DPEP1: variants seen among roughly 807,000 people sequenced by gnomAD.
The protein encoded by DPEP1 is dipeptidase 1, also known as beta-lactamase.
In DPEP1, 50 loss-of-function variants were observed where a neutral mutation model predicts 42.3. That is an observed-to-expected ratio of 1.18 (90% CI 0.94 to 1.50). DPEP1 has a LOEUF of 1.50. Ranked by LOEUF, DPEP1 falls within the 40% of genes most tolerant of loss-of-function variation. DPEP1 has a pLI of 0.00. For synonymous variants in DPEP1, 297 were observed against 234.0 expected (o/e 1.27, Z -2.46); for missense variants, 663 against 553.0 (o/e 1.20, Z -1.99).
chr16:89,625,252 C>T (rs566507049), intron 1 of DPEP1, among the ~76,000 whole-genome samples: 9 of 152,098 alleles, frequency 5.9e-5, no homozygotes, highest in Non-Finnish European at 1.0e-4. Context: ...TGATTCAGCA[C>T]GAATTGGCCT....
At position 89,635,943 on chromosome 16, in the gene DPEP1, TCAA is replaced by T. The variant is rs2059672275; in HGVS notation, c.145_147del (p.Asn49del). On this transcript the variant is annotated inframe_deletion, in exon 3 of 11. Coordinates refer to ENST00000690203, the MANE Select transcript of DPEP1 (RefSeq NM_001389466.1). ...CTCCCCTGGCAGCTGCTGGATATGT[TCAA>T]CAACCGGCTGCAGGACGAGAGGGCC... The T allele has an allele frequency of 1.1e-5, 17 of 1,611,434 alleles. No individual in the cohort carries two copies. The highest frequency in any genetic ancestry group is 1.4e-5 in the Non-Finnish European group (16 of 1,179,328).
chr16:89,636,926 C>G lies in DPEP1; in HGVS notation c.582C>G (p.Pro194=). ...AGCCCCAGAGCCAAGGCTTGTCACC[C>G]TTTGGGCAGGTGAGTGGGGTGGGAG... ...DSEPQSQGLS[P]FGQRVVKELN... is the part of the protein sequence containing the mutation. Residue 194 remains proline, a synonymous_variant, in exon 6 of 11, where the codon CCC becomes CCG. Coordinates refer to ENST00000690203, the MANE Select transcript of DPEP1 (RefSeq NM_001389466.1). The G allele has an allele frequency of 6.2e-7, 1 of 1,612,488 alleles. No homozygotes were observed. The highest frequency in any genetic ancestry group is 8.5e-7 in the Non-Finnish European group (1 of 1,179,920).
chr16:89,640,586 C>T (rs1597780693), downstream of DPEP1: 2 of 982,120 alleles, frequency 2.0e-6, no homozygotes, highest in South Asian at 4.7e-5. Context: ...TGTCTGTTCC[C>T]CTCCCAGCCT....
In DPEP1 at chr16:89,636,481, C is replaced by T. The variant is rs2059680755; in HGVS notation, c.371-52C>T. ...GCAGCAGGTGCCGGTCAGGACACCT[C>T]ACCCTCCAGATACCAGGTGCCCACT... On this transcript the variant is annotated intron_variant, in intron 4 of 10. Coordinates refer to ENST00000690203, the MANE Select transcript of DPEP1 (RefSeq NM_001389466.1). 11 of 1,599,358 alleles carry T rather than the reference C, an allele frequency of 6.9e-6. No individual in the cohort carries two copies. In the Admixed American group the frequency reaches 1.2e-4, roughly 17 times the overall value.
At chr16:89,630,562 T>G (rs1597759117) in intron 2 of DPEP1, 48 bp downstream of exon 2, 3 of 698,894 alleles carry the variant, frequency 4.3e-6, no homozygotes, top group South Asian at 5.7e-5. Flanking sequence ...GACTGGGAAC[T>G]GGGGCTGGGA....
intron 1 of DPEP1, among the ~76,000 whole-genome samples, chr16:89,621,649 C>A (rs2059447482): frequency 6.6e-6 from 1 of 152,238 alleles, no homozygotes; most frequent in African/African-American, 2.4e-5. Context: ...TGAGTGTGGG[C>A]TCCCGTCCCT....
intron 6 of DPEP1, 75 bp from the exon 7 acceptor site, chr16:89,637,129 A>G (rs1245289731): frequency 1.9e-6 from 3 of 1,559,584 alleles, no homozygotes; most frequent in Non-Finnish European, 2.6e-6. Context: ...GATGACTCAC[A>G]TCTGGTCCAG....
downstream of DPEP1, chr16:89,640,461 C>CAGGG (rs1227419483): frequency 1.5e-6 from 1 of 673,446 alleles, no homozygotes; most frequent in Non-Finnish European, 1.8e-6. Flanking sequence ...AGTCGAGGAG[C>CAGGG]AGGGGGCTCC....
In DPEP1 at chr16:89,617,699, G is replaced by GCCAGGCGCGGCGGCTCACACC; in HGVS notation, c.-107+3980_-107+3981insCCAGGCGCGGCGGCTCACACC. 1.3e-5 allele frequency among the ~76,000 whole-genome samples: 2 copies of GCCAGGCGCGGCGGCTCACACC among 151,320 alleles called. 1 individual carries two copies. Among genetic ancestry groups the GCCAGGCGCGGCGGCTCACACC allele is most frequent in the South Asian group, 4.2e-4 (2 of 4,780 alleles). ...ACCTGTAATCCCAGCACTTTGGGAGGTTGGGCACGGTGGCTCACACCTGTA... is the reference window on the plus strand; with the variant it reads ...ACCTGTAATCCCAGCACTTTGGGAGGCCAGGCGCGGCGGCTCACACCTTGGGCACGGTGGCTCACACCTGTA... On this transcript the variant is annotated intron_variant, in intron 1 of 10. Coordinates refer to ENST00000690203, the MANE Select transcript of DPEP1 (RefSeq NM_001389466.1).
chr16:89,623,456 A>G (rs1458723189), intron 1 of DPEP1, among the ~76,000 whole-genome samples: 3 of 152,188 alleles, frequency 2.0e-5, no homozygotes, highest in Non-Finnish European at 4.4e-5. Context: ...AGTGACAAAG[A>G]TTGCCCGCTG....
chr16:89,623,856 G>A (rs2059474871), intron 1 of DPEP1, among the ~76,000 whole-genome samples: 1 of 152,096 alleles, frequency 6.6e-6, no homozygotes, highest in African/African-American at 2.4e-5. Flanking sequence ...CCCTGGACCG[G>A]AGGCAGAGGA....
chr16:89,614,655 C>T (rs543272139), intron 1 of DPEP1, among the ~76,000 whole-genome samples: 62 of 152,250 alleles, frequency 4.1e-4, no homozygotes, highest in African/African-American at 1.3e-3. Flanking sequence ...ATTAGCCGGG[C>T]GTGGTGGCGG....
chr16:89,614,507 A>G (rs968038403), intron 1 of DPEP1, among the ~76,000 whole-genome samples: 10 of 152,238 alleles, frequency 6.6e-5, no homozygotes, highest in South Asian at 2.1e-4. Flanking sequence ...TGAAAATCAA[A>G]GCTGTGGCCG....
At chr16:89,620,535 G>C (rs565084845) in intron 1 of DPEP1, 2 of 152,320 alleles carry the variant, frequency 1.3e-5, no homozygotes, top group East Asian at 3.8e-4. Flanking sequence ...GAGGGCATGC[G>C]TATCTTCGGA....
intron 1 of DPEP1, among the ~76,000 whole-genome samples, chr16:89,614,206 A>G (rs555044363): frequency 1.6e-3 from 237 of 152,144 alleles, no homozygotes; most frequent in Non-Finnish European, 2.4e-3. Flanking sequence ...GGTCCCTAGG[A>G]TGAGGTCTGG....
rs894869933 is a variant in DPEP1, at chr16:89,630,482, G to T, written c.72G>T (p.Glu24Asp). Residue 24 changes from glutamate to aspartate, a missense_variant, in exon 2 of 11, where the codon GAG (glutamate) becomes GAT (aspartate). Transcript: ENST00000690203. ...CAGACTTCTTTCGGGACGAGGCAGAGAGGATCATGAGGGACTCCCCTGTCA... is the reference window on the plus strand; with the variant it reads ...CAGACTTCTTTCGGGACGAGGCAGATAGGATCATGAGGGACTCCCCTGTCA... ...CTADFFRDEAERIMRDSPVID... is the reference protein window; with the variant it reads ...CTADFFRDEADRIMRDSPVID... 3.1e-6 allele frequency: 5 copies of T among 1,607,492 alleles called. No individual in the cohort carries two copies. The highest frequency in any genetic ancestry group is 4.2e-6 in the Non-Finnish European group (5 of 1,177,482).
downstream of DPEP1, among the ~76,000 whole-genome samples, chr16:89,639,225 G>A (rs1192487872): frequency 1.5e-3 from 7 of 4,544 alleles, no homozygotes; most frequent in Admixed American, 4.3e-3. Flanking sequence ...CGCACACACC[G>A]CACCCCTGCA....
At position 89,637,247 on chromosome 16, in the gene DPEP1, T is replaced by G. The variant is rs1175585753; in HGVS notation, c.635T>G (p.Leu212Trp). Residue 212 changes from leucine (L) to tryptophan (W), a missense_variant, in exon 7 of 11, where the codon TTG (leucine) becomes TGG (tryptophan). Leu to Trp is a moderately conservative substitution (Grantham distance 61, BLOSUM62 -2). Transcript: ENST00000690203. ...ELNRLGVLIDLAHVSVATMKA... is the reference protein window; with the variant it reads ...ELNRLGVLIDWAHVSVATMKA... ...AACCGTCTGGGGGTCCTCATCGACT[T>G]GGCTCACGTGTCTGTGGCCACCATG... 6.2e-7 allele frequency: 1 copy of G among 1,612,600 alleles called. No homozygotes were observed. Among genetic ancestry groups the G allele is most frequent in the African/African-American group, 1.3e-5 (1 of 74,928 alleles).
chr16:89,614,023 G>A (rs952841352), intron 1 of DPEP1, among the ~76,000 whole-genome samples: 2 of 150,474 alleles, frequency 1.3e-5, no homozygotes, highest in South Asian at 2.1e-4. Context: ...TGCTTCCTGG[G>A]ATTCTAGGAA....
Sources: gnomAD v4.1 joint callset for allele counts (sites outside exome capture counted in the v4.1 genomes callset) on GRCh38, gnomAD v4.1.1 for gene constraint, MANE v1.5 for transcripts, NCBI Gene and HGNC (gene_info 2026-07-23, HGNC 2026-07-21) for gene names.